The following GALNT2 variants were observed in gnomAD, a reference collection of about 807,000 sequenced individuals.
GALNT2 encodes UDP-GalNAc:polypeptide N-acetylgalactosaminyltransferase 2.
GALNT2 carries 31 observed loss-of-function variants against 81.4 expected under a neutral mutation model. The ratio of observed to expected loss-of-function variants is 0.38; its 90% CI spans 0.29 to 0.51. The LOEUF is 0.51. GALNT2 is among the 20% of genes least tolerant of loss of function. The pLI, the probability that GALNT2 is intolerant of heterozygous loss-of-function variation, is 0.87. For missense variants in GALNT2, 629 were observed against 765.7 expected (o/e 0.82, Z 2.11); for synonymous variants, 303 against 287.4 (o/e 1.05, Z -0.55).
chr1:230,154,841 C>G (rs1015967639), intron 1 of GALNT2, among the ~76,000 whole-genome samples: 4 of 152,162 alleles, frequency 2.6e-5, no homozygotes, highest in African/African-American at 9.7e-5. Flanking sequence ...GTTTGTAGTA[C>G]TTTATTATGG....
chr1:230,066,293 A>G (rs1438604305), upstream of GALNT2, among the ~76,000 whole-genome samples: 2 of 152,284 alleles, frequency 1.3e-5, no homozygotes, highest in African/African-American at 4.8e-5. Context: ...CCAAGGTTAC[A>G]TAGATTATGT....
At chr1:230,156,232 A>AG (rs1491159072) in intron 1 of GALNT2, among the ~76,000 whole-genome samples, 1,991 of 120,624 alleles carry the variant, frequency 0.017, 23 homozygotes, top group Non-Finnish European at 0.026. Flanking sequence ...AGAGAGAGAG[A>AG]AAGAGAGAGA....
intron 1 of GALNT2, among the ~76,000 whole-genome samples, chr1:230,148,543 G>C (rs771152228): frequency 6.6e-5 from 10 of 152,372 alleles, no homozygotes; most frequent in East Asian, 3.9e-4. Context: ...GTTAACTCCA[G>C]GGTGTGGGTC....
intron 1 of GALNT2, among the ~76,000 whole-genome samples, chr1:230,079,115 G>A (rs1207198175): frequency 1.3e-5 from 2 of 152,248 alleles, no homozygotes; most frequent in African/African-American, 4.8e-5. Flanking sequence ...GATGACTTGG[G>A]AAGCTGAGTG....
chr1:230,220,339 T>C (rs1253523745), intron 3 of GALNT2, among the ~76,000 whole-genome samples: 1 of 151,740 alleles, frequency 6.6e-6, no homozygotes, highest in Non-Finnish European at 1.5e-5. Flanking sequence ...GCTAGGTAAA[T>C]AAAGAAGAAT....
At chr1:230,269,374 C>A (rs1046393039) in intron 14 of GALNT2, among the ~76,000 whole-genome samples, 1 of 151,962 alleles carries the variant, frequency 6.6e-6, no homozygotes, top group African/African-American at 2.4e-5. Flanking sequence ...TTAGTAGAGA[C>A]GGGATTCCAC....
intron 3 of GALNT2, among the ~76,000 whole-genome samples, chr1:230,235,553 G>T (rs148152533): frequency 6.6e-6 from 1 of 152,186 alleles, no homozygotes; most frequent in African/African-American, 2.4e-5. Context: ...TCTGCTGTTC[G>T]TGGTGAGAAC....
At chr1:230,075,608 T>C (rs1659521874) in intron 1 of GALNT2, among the ~76,000 whole-genome samples, 1 of 152,224 alleles carries the variant, frequency 6.6e-6, no homozygotes. Flanking sequence ...TGCCAGGCAC[T>C]GCTTGAGTGT....
At chr1:230,091,309 T>C (rs915933695) in intron 1 of GALNT2, among the ~76,000 whole-genome samples, 3 of 151,934 alleles carry the variant, frequency 2.0e-5, no homozygotes, top group African/African-American at 4.8e-5. Context: ...CTCCTGACCT[T>C]GTGATACGGC....
Position 230,243,572 on chromosome 1 carries a change from TG to T in GALNT2, c.729+146del. On this transcript the variant is annotated intron_variant, in intron 7 of 15. Transcript: ENST00000366672. This position sits in a 1 kb window ranked among gnomAD's most constrained non-coding sequence, Gnocchi z 4.2. ...TGAGCTCGCCGTCTGCAGTTTTCCT[TG>T]ATAGAAGGAAAATGCCTTTGGGGCA... is the stretch of plus-strand genomic sequence containing the variant. 3 of 1,044,994 alleles carry T rather than the reference TG, an allele frequency of 2.9e-6. No individual in the cohort carries two copies. The highest frequency in any genetic ancestry group is 3.9e-6 in the Non-Finnish European group (3 of 761,534). 64.7% of individuals were successfully genotyped at this position (1,044,994 alleles called of 1,614,324 possible).
intron 1 of GALNT2, among the ~76,000 whole-genome samples, chr1:230,177,435 T>TA (rs1663018781): frequency 6.6e-6 from 1 of 152,236 alleles, no homozygotes; most frequent in Admixed American, 6.5e-5. Context: ...TTATTTCTGA[T>TA]TTGGGTTATA....
intron 13 of GALNT2, 64 bp downstream of exon 13, chr1:230,263,069 G>A (rs1049502714): frequency 5.9e-6 from 8 of 1,354,428 alleles, no homozygotes; most frequent in Non-Finnish European, 8.4e-6. Flanking sequence ...GGCCATAGAA[G>A]CAGCAGAGGG....
chr1:230,274,406 G>T, intron 14 of GALNT2, 39 bp from the exon 15 acceptor site: 1 of 1,607,086 alleles, frequency 6.2e-7, no homozygotes, highest in Non-Finnish European at 8.5e-7. Flanking sequence ...TCACAGCCCG[G>T]TGCATAGCAC....
At chr1:230,145,502 G>C (rs1448961777) in intron 1 of GALNT2, among the ~76,000 whole-genome samples, 1 of 152,244 alleles carries the variant, frequency 6.6e-6, no homozygotes, top group Non-Finnish European at 1.5e-5. Flanking sequence ...ATACTGTAGG[G>C]ATGGTTGTAA....
chr1:230,260,716 AGAAAT>A (rs1397422042), intron 11 of GALNT2, among the ~76,000 whole-genome samples: 1 of 152,204 alleles, frequency 6.6e-6, no homozygotes, highest in Non-Finnish European at 1.5e-5. Context: ...GGCTCTTCTG[AGAAAT>A]GATATGTATG....
chr1:230,063,369 C>G (rs72758257), upstream of GALNT2, among the ~76,000 whole-genome samples: 1,501 of 151,952 alleles, frequency 9.9e-3, 8 homozygotes, highest in Non-Finnish European at 0.017. Flanking sequence ...TGGTATCTCA[C>G]TGTGGGTTTT....
At chr1:230,113,694 C>T (rs539987694) in intron 1 of GALNT2, among the ~76,000 whole-genome samples, 42 of 152,162 alleles carry the variant, frequency 2.8e-4, no homozygotes, top group African/African-American at 7.9e-4. Context: ...AGACAGCGTG[C>T]GGGATTTCAG....
intron 3 of GALNT2, among the ~76,000 whole-genome samples, chr1:230,231,967 C>T (rs1308016080): frequency 6.6e-6 from 1 of 152,166 alleles, no homozygotes; most frequent in Admixed American, 6.5e-5. Context: ...AGTTTCTACT[C>T]GATTCCCAAA....
At chr1:230,156,322 A>C (rs928884592) in intron 1 of GALNT2, among the ~76,000 whole-genome samples, 3 of 151,942 alleles carry the variant, frequency 2.0e-5, no homozygotes, top group African/African-American at 4.8e-5. Flanking sequence ...CTTGCATTGT[A>C]CATATTGGGC....
Sources: allele counts gnomAD v4.1 joint callset (sites outside exome capture counted in the v4.1 genomes callset), GRCh38; gene constraint gnomAD v4.1.1; non-coding constraint Gnocchi (gnomAD v3.1); transcripts MANE v1.5; gene names NCBI Gene and HGNC (gene_info 2026-07-23, HGNC 2026-07-21).